The following PEAK1 variants were observed in gnomAD, a reference collection of about 807,000 sequenced individuals.
PEAK1 encodes the protein pseudopodium enriched atypical kinase 1, also known as inactive tyrosine-protein kinase PEAK1.
Under a neutral mutation model 124.7 loss-of-function variants are expected in PEAK1, and 54 were observed. The observed-to-expected ratio is 0.43, with a 90% CI of 0.35 to 0.54. PEAK1 has a LOEUF of 0.54. Ranked by LOEUF, PEAK1 falls within the 20% of genes least tolerant of loss-of-function variation. The pLI is 0.01. For synonymous variants in PEAK1, 719 were observed against 760.0 expected, an observed-to-expected ratio of 0.95 and a Z score of 0.89; for missense variants, 2,046 against 2,134.5, an observed-to-expected ratio of 0.96 and a Z score of 0.82.
chr15:77,182,141 T>C, intron 6 of PEAK1, 101 bp from the exon 7 acceptor site: 1 of 1,118,238 alleles, frequency 8.9e-7, no homozygotes, highest in Non-Finnish European at 1.1e-6. Context: ...CCTAAACTTT[T>C]CCTTAAATTA....
At chr15:77,215,070 A>G (rs2059087348) in intron 6 of PEAK1, among the ~76,000 whole-genome samples, 1 of 152,190 alleles carries the variant, frequency 6.6e-6, no homozygotes, top group Non-Finnish European at 1.5e-5. Flanking sequence ...CACTTGCGAT[A>G]TATGAGAATT....
chr15:77,252,615 C>G, intron 5 of PEAK1, 89 bp from the exon 6 acceptor site: 2 of 696,052 alleles, frequency 2.9e-6, no homozygotes, highest in Non-Finnish European at 3.5e-6. Context: ...CTAATATCAC[C>G]CTCACTCAAC....
In PEAK1 at chr15:77,402,459, T is replaced by A. The variant is rs2071454350; in HGVS notation, c.-666+17547A>T. On this transcript the variant is annotated intron_variant, in intron 1 of 9. Transcript: ENST00000682557. Reference sequence around the variant, plus strand: ...TTCAATGTCACTGCATATCTTTTAGTAATGTGCCATATTTTCTCAATATTT... The same window carrying A: ...TTCAATGTCACTGCATATCTTTTAGAAATGTGCCATATTTTCTCAATATTT... 7 of 984,342 alleles carry A rather than the reference T, an allele frequency of 7.1e-6. No homozygotes were observed. The Admixed American group carries it at 3.7e-4, about 52-fold the overall frequency. 61.0% of individuals were successfully genotyped at this position (984,342 alleles called of 1,614,324 possible).
At chr15:77,380,755 A>C (rs1374277088) in intron 1 of PEAK1, among the ~76,000 whole-genome samples, 3 of 152,198 alleles carry the variant, frequency 2.0e-5, no homozygotes, top group Non-Finnish European at 1.5e-5. Flanking sequence ...CAGGGACTAC[A>C]GAAGTGAGCC....
rs895308308 is a variant in PEAK1, at chr15:77,112,967, A to G, written c.*1189T>C. 2 of 152,218 alleles carry G rather than the reference A, an allele frequency of 1.3e-5. No homozygotes were observed. The highest frequency in any genetic ancestry group is 2.9e-5 in the Non-Finnish European group (2 of 68,078). The allele number at this position is 152,218 out of a possible 1,614,324, so 9.4% of individuals were successfully genotyped here. On this transcript the variant is annotated 3_prime_UTR_variant, in exon 10 of 10. Coordinates refer to ENST00000682557, the MANE Select transcript of PEAK1 (RefSeq NM_001385026.1). ...AGAGCCATTTTACAGAGTCAGAAGG[A>G]GCAATGAGCCACTTAAACACTGGGA... is the stretch of plus-strand genomic sequence containing the variant.
At chr15:77,251,579 T>A (rs1189224503) in intron 6 of PEAK1, among the ~76,000 whole-genome samples, 1 of 152,192 alleles carries the variant, frequency 6.6e-6, no homozygotes, top group Admixed American at 6.5e-5. Flanking sequence ...GAATAGGAAC[T>A]ACTACCTATG....
Position 77,350,887 on chromosome 15 carries a change from C to T in PEAK1, c.-603+14276G>A, listed in dbSNP as rs372538619. The T allele has an allele frequency of 8.1e-6, 8 of 985,108 alleles. No individual in the cohort carries two copies. In the South Asian group the frequency reaches 1.9e-4, roughly 23 times the overall value. The allele number at this position is 985,108 out of a possible 1,614,324, so 61.0% of individuals were successfully genotyped here. A position where few individuals can be genotyped will look rare whatever the true frequency, so the allele number is the denominator to read the frequency against. The stretch of plus-strand genomic sequence containing the variant: ...CTCCATTTCTCAATCACCTTGGATA[C>T]GCAGGCATTTACTACAAACATGGCC... On this transcript the variant is annotated intron_variant, in intron 2 of 9. Coordinates refer to ENST00000682557, the MANE Select transcript of PEAK1 (RefSeq NM_001385026.1).
intron 2 of PEAK1, among the ~76,000 whole-genome samples, chr15:77,289,546 A>G (rs1295400788): frequency 6.6e-6 from 1 of 152,162 alleles, no homozygotes; most frequent in Non-Finnish European, 1.5e-5. Flanking sequence ...CCTTAAACTT[A>G]AATACACGAC....
At chr15:77,339,833 T>C (rs1220508113) in intron 2 of PEAK1, among the ~76,000 whole-genome samples, 1 of 152,228 alleles carries the variant, frequency 6.6e-6, no homozygotes, top group Non-Finnish European at 1.5e-5. Context: ...AGTGGGCCAG[T>C]GATCTGAGCA....
At chr15:77,378,312 T>C (rs1277158040) in intron 1 of PEAK1, among the ~76,000 whole-genome samples, 1 of 151,838 alleles carries the variant, frequency 6.6e-6, no homozygotes, top group Non-Finnish European at 1.5e-5. Context: ...ATTTCTTTAG[T>C]AAACTATTGA....
chr15:77,374,593 A>C (rs1331571470), intron 1 of PEAK1, among the ~76,000 whole-genome samples: 1 of 152,128 alleles, frequency 6.6e-6, no homozygotes, highest in African/African-American at 2.4e-5. Flanking sequence ...TGAACTTATA[A>C]ATGGTGATAT....
chr15:77,317,248 A>G (rs1389558536), intron 2 of PEAK1, among the ~76,000 whole-genome samples: 2 of 152,164 alleles, frequency 1.3e-5, no homozygotes, highest in Non-Finnish European at 2.9e-5. Context: ...CCTAGTGTAA[A>G]TATCTGTCAT....
intron 5 of PEAK1, among the ~76,000 whole-genome samples, chr15:77,263,396 G>A (rs2061544234): frequency 6.6e-6 from 1 of 151,994 alleles, no homozygotes; most frequent in Non-Finnish European, 1.5e-5. Flanking sequence ...GAATCAAATA[G>A]ACGTAATAAA....
chr15:77,103,761 T>C (rs2050719371), downstream of PEAK1: 1 of 152,262 alleles, frequency 6.6e-6, no homozygotes, highest in Non-Finnish European at 1.5e-5. Flanking sequence ...GAGGCCCCTC[T>C]GTAGGGAAGA....
chr15:77,340,458 C>T lies in PEAK1; in HGVS notation c.-603+24705G>A, dbSNP rs145397809. Among the ~76,000 whole-genome samples, 775 of 152,144 alleles carry T rather than the reference C, an allele frequency of 5.1e-3. 2 individuals are homozygous for T. The highest frequency in any genetic ancestry group is 7.9e-3 in the Non-Finnish European group (536 of 67,988). On this transcript the variant is annotated intron_variant, in intron 2 of 9. Coordinates refer to ENST00000682557, the MANE Select transcript of PEAK1 (RefSeq NM_001385026.1). ...AGATGAGTAATTGCCAAGGGTTCAG[C>T]GGCGAGGAAGGAGGAATGAATGAAT...
intron 8 of PEAK1, among the ~76,000 whole-genome samples, chr15:77,144,671 A>G (rs2054044132): frequency 6.6e-6 from 1 of 152,228 alleles, no homozygotes; most frequent in African/African-American, 2.4e-5. Context: ...CCTGGGAGCT[A>G]AGGAGATTTC....
chr15:77,328,288 G>A (rs868705398), intron 2 of PEAK1, among the ~76,000 whole-genome samples: 14 of 152,086 alleles, frequency 9.2e-5, no homozygotes, highest in African/African-American at 2.9e-4. Flanking sequence ...GGATATTCTG[G>A]CACAAGTACT....
intron 2 of PEAK1, among the ~76,000 whole-genome samples, chr15:77,310,097 T>TAG (rs1297787902): frequency 6.6e-6 from 1 of 152,112 alleles, no homozygotes; most frequent in Non-Finnish European, 1.5e-5. Flanking sequence ...GTATGGGTGG[T>TAG]AGAGAACACT....
intron 2 of PEAK1, chr15:77,349,078 C>G (rs867696391): frequency 1.8e-5 from 15 of 831,782 alleles, no homozygotes; most frequent in Middle Eastern, 6.2e-4. Flanking sequence ...CTCACTCTGT[C>G]GCCCAGGCTA....
Sources: allele counts gnomAD v4.1 joint callset (sites outside exome capture counted in the v4.1 genomes callset), GRCh38; gene constraint gnomAD v4.1.1; transcripts MANE v1.5; gene names NCBI Gene and HGNC (gene_info 2026-07-23, HGNC 2026-07-21).